The following MACROD2 variants were observed in gnomAD, a reference collection of about 807,000 sequenced individuals.
MACROD2 encodes ADP-ribose glycohydrolase MACROD2.
A neutral mutation model predicts 70.4 loss-of-function variants in MACROD2; 36 were observed. The observed-to-expected ratio is 0.51, with a 90% CI of 0.39 to 0.68. The LOEUF is 0.68. Ranked by LOEUF, MACROD2 falls within the 30% of genes least tolerant of loss-of-function variation. The pLI, the probability that MACROD2 is intolerant of heterozygous loss-of-function variation, is 0.00. For synonymous variants in MACROD2, 172 were observed against 178.8 expected (o/e 0.96, Z 0.30); for missense variants, 496 against 538.4 (o/e 0.92, Z 0.78).
chr20:14,610,174 T>C (rs1472120440), intron 4 of MACROD2, among the ~76,000 whole-genome samples: 1 of 152,068 alleles, frequency 6.6e-6, no homozygotes, highest in Non-Finnish European at 1.5e-5. Flanking sequence ...GTCATTTAGT[T>C]TGGAAAGGGG....
intron 5 of MACROD2, among the ~76,000 whole-genome samples, chr20:15,013,517 C>T (rs1004341035): frequency 1.2e-4 from 18 of 152,176 alleles, no homozygotes; most frequent in Admixed American, 3.3e-4. Flanking sequence ...AGAGAGCTAC[C>T]GTGCGCAAGG....
At chr20:15,827,003 T>C (rs1398064372) in intron 8 of MACROD2, among the ~76,000 whole-genome samples, 1 of 152,218 alleles carries the variant, frequency 6.6e-6, no homozygotes, top group Admixed American at 6.6e-5. Context: ...TGAATTATGG[T>C]AAATAGTGAA....
At chr20:15,610,805 C>T (rs528703227) in intron 8 of MACROD2, among the ~76,000 whole-genome samples, 5 of 151,916 alleles carry the variant, frequency 3.3e-5, no homozygotes, top group Admixed American at 6.6e-5. Flanking sequence ...ACCTCTAAAT[C>T]GGTGTTGGCA....
chr20:15,807,607 AAAG>A (rs1335008526), intron 8 of MACROD2, among the ~76,000 whole-genome samples: 1 of 152,206 alleles, frequency 6.6e-6, no homozygotes, highest in Non-Finnish European at 1.5e-5. Flanking sequence ...AATGGCAAGA[AAAG>A]AAGGTAAATT....
chr20:14,945,909 GA>G (rs1470317608), intron 5 of MACROD2, among the ~76,000 whole-genome samples: 7 of 152,128 alleles, frequency 4.6e-5, no homozygotes, highest in Non-Finnish European at 1.0e-4. Context: ...ATTTTAGTAA[GA>G]ATTTCATATA....
chr20:15,540,604 T>G (rs1226320076), intron 8 of MACROD2, among the ~76,000 whole-genome samples: 2 of 152,202 alleles, frequency 1.3e-5, no homozygotes, highest in Non-Finnish European at 2.9e-5. Flanking sequence ...GGAGTGTATA[T>G]TGGTTTGCTA....
chr20:14,878,737 T>G (rs2073578297), intron 5 of MACROD2, among the ~76,000 whole-genome samples: 1 of 152,162 alleles, frequency 6.6e-6, no homozygotes, highest in Non-Finnish European at 1.5e-5. Flanking sequence ...CTATCCTAGT[T>G]ATTAACCAGC....
chr20:15,684,381 C>T (rs969773438), intron 8 of MACROD2, among the ~76,000 whole-genome samples: 1 of 152,098 alleles, frequency 6.6e-6, no homozygotes, highest in Non-Finnish European at 1.5e-5. Flanking sequence ...AAAGAAAATC[C>T]CCAGAGGCTC....
At chr20:14,186,444 G>C (rs1045807212) in intron 3 of MACROD2, among the ~76,000 whole-genome samples, 6 of 151,980 alleles carry the variant, frequency 3.9e-5, no homozygotes, top group African/African-American at 1.4e-4. Flanking sequence ...TTATTAAAAA[G>C]AAAAAAACAG....
At chr20:15,830,125 G>C (rs1242828064) in intron 8 of MACROD2, among the ~76,000 whole-genome samples, 1 of 152,140 alleles carries the variant, frequency 6.6e-6, no homozygotes, top group Non-Finnish European at 1.5e-5. Flanking sequence ...CCATATATGT[G>C]TTGTGGGACC....
chr20:14,869,170 A>G (rs914070348), intron 5 of MACROD2, among the ~76,000 whole-genome samples: 1 of 152,170 alleles, frequency 6.6e-6, no homozygotes, highest in African/African-American at 2.4e-5. Flanking sequence ...TAATACATGT[A>G]TATTTATAGT....
intron 5 of MACROD2, among the ~76,000 whole-genome samples, chr20:14,975,738 A>C (rs528508096): frequency 6.6e-6 from 1 of 152,200 alleles, no homozygotes; most frequent in South Asian, 2.1e-4. Context: ...GAGGTAATTG[A>C]GGCCCCCAGT....
At chr20:14,554,826 T>C (rs913370106) in intron 4 of MACROD2, among the ~76,000 whole-genome samples, 11 of 152,116 alleles carry the variant, frequency 7.2e-5, no homozygotes, top group African/African-American at 2.7e-4. Context: ...AGAAAAAGTA[T>C]ACTTGAAATC....
intron 3 of MACROD2, among the ~76,000 whole-genome samples, chr20:14,424,606 C>G (rs2083914033): frequency 1.3e-5 from 2 of 152,306 alleles, no homozygotes; most frequent in Non-Finnish European, 1.5e-5. Flanking sequence ...GTGTACTGGA[C>G]TGCTGTGATG....
chr20:14,966,248 T>C (rs79886736), intron 5 of MACROD2, among the ~76,000 whole-genome samples: 3,359 of 152,294 alleles, frequency 0.022, 134 homozygotes, highest in African/African-American at 0.075. Flanking sequence ...TTATGTCATA[T>C]AGTAAAGCAT....
chr20:15,495,232 A>G (rs1452013689), intron 7 of MACROD2, among the ~76,000 whole-genome samples: 1 of 152,276 alleles, frequency 6.6e-6, no homozygotes, highest in South Asian at 2.1e-4. Flanking sequence ...GTCTTTGTCT[A>G]TTCATTGGTC....
At chr20:15,547,821 T>C (rs1314331260) in intron 8 of MACROD2, among the ~76,000 whole-genome samples, 1 of 151,992 alleles carries the variant, frequency 6.6e-6, no homozygotes, top group Non-Finnish European at 1.5e-5. Flanking sequence ...TCTAGTGAAG[T>C]TTCACCTTTG....
chr20:14,744,615 A>T (rs577089791), intron 5 of MACROD2, among the ~76,000 whole-genome samples: 1 of 152,300 alleles, frequency 6.6e-6, no homozygotes, highest in Non-Finnish European at 1.5e-5. Context: ...GGCCCCTCCC[A>T]CATCAGCTCT....
chr20:15,084,897 G>A (rs1414548120), intron 5 of MACROD2, among the ~76,000 whole-genome samples: 2 of 152,044 alleles, frequency 1.3e-5, no homozygotes, highest in Non-Finnish European at 2.9e-5. Context: ...TGCTGGCTTT[G>A]GAGAAATTAA....
Sources: gnomAD v4.1 joint callset for allele counts (sites outside exome capture counted in the v4.1 genomes callset) on GRCh38, gnomAD v4.1.1 for gene constraint, MANE v1.5 for transcripts, NCBI Gene and HGNC (gene_info 2026-07-23, HGNC 2026-07-21) for gene names.